The following USP8 variants were observed in gnomAD, a reference collection of about 807,000 sequenced individuals.
USP8 encodes ubiquitin carboxyl-terminal hydrolase 8.
Under a neutral mutation model 130.0 loss-of-function variants are expected in USP8, and 27 were observed. The ratio of observed to expected loss-of-function variants is 0.21; its 90% CI spans 0.15 to 0.29. USP8 has a LOEUF of 0.29. Among genes scored for constraint, USP8 ranks in the 10% least tolerant of loss-of-function variants. The pLI, the probability that USP8 is intolerant of heterozygous loss-of-function variation, is 1.00. For synonymous variants in USP8, 392 were observed against 444.1 expected (o/e 0.88, Z 1.48); for missense variants, 1,029 against 1,312.2 (o/e 0.78, Z 3.33).
In USP8 at chr15:50,473,820, A is replaced by ATT. The variant is rs200239115; in HGVS notation, c.849+2031_849+2032dup. ...GGCATCTAAGTATATATATATATAT[A>ATT]TTTTTTTAATTTAATTTAATTTTAT... is the stretch of plus-strand genomic sequence containing the variant. On this transcript the variant is annotated intron_variant, in intron 8 of 19. Coordinates refer to ENST00000307179, the MANE Select transcript of USP8 (RefSeq NM_005154.5). 6.7e-3 allele frequency among the ~76,000 whole-genome samples: 999 copies of ATT among 149,308 alleles called. 10 individuals are homozygous for ATT. Among genetic ancestry groups the ATT allele is most frequent in the Non-Finnish European group, 0.011 (741 of 67,484 alleles).
At chr15:50,481,448 C>G in intron 10 of USP8, 33 bp from the exon 11 acceptor site, 1 of 1,449,542 alleles carries the variant, frequency 6.9e-7, no homozygotes. Context: ...TGATTTTTGA[C>G]AAAAATGTTT....
At chr15:50,467,384 A>C (rs889442147) in intron 7 of USP8, among the ~76,000 whole-genome samples, 1 of 152,132 alleles carries the variant, frequency 6.6e-6, no homozygotes, top group Non-Finnish European at 1.5e-5. Context: ...TTCTCTTTTA[A>C]TTTATGTTAC....
rs1354795893 is a variant in USP8 at position 50,511,128 on chromosome 15, G to C, written c.*12040G>C. 2 of 152,170 alleles carry C rather than the reference G, an allele frequency of 1.3e-5. No homozygotes were observed. The highest frequency in any genetic ancestry group is 2.1e-4 in the South Asian group (1 of 4,832). The allele number at this position is 152,170 out of a possible 1,614,324, so 9.4% of individuals were successfully genotyped here. ...ATTCTTTCAGATTTTCTGAATGTTT[G>C]CAAAGTTTTATTTTAAAAACTGGAG... On this transcript the variant is annotated 3_prime_UTR_variant, in exon 20 of 20. Transcript: ENST00000307179.
At chr15:50,433,930 T>A (rs1215129589) in intron 1 of USP8, among the ~76,000 whole-genome samples, 1 of 152,204 alleles carries the variant, frequency 6.6e-6, no homozygotes, top group Non-Finnish European at 1.5e-5. Context: ...TAACTCATTT[T>A]CAACACTTTT....
At chr15:50,447,453 C>G (rs1002713160) in intron 3 of USP8, among the ~76,000 whole-genome samples, 1 of 152,062 alleles carries the variant, frequency 6.6e-6, no homozygotes, top group Non-Finnish European at 1.5e-5. Flanking sequence ...GTTGGCCAGG[C>G]TGGTCTTGAA....
intron 1 of USP8, among the ~76,000 whole-genome samples, chr15:50,433,520 A>G (rs1314006992): frequency 6.6e-6 from 1 of 152,172 alleles, no homozygotes; most frequent in Non-Finnish European, 1.5e-5. Flanking sequence ...TTTACCTTTT[A>G]GTCTTCACTT....
intron 8 of USP8, among the ~76,000 whole-genome samples, chr15:50,472,646 C>A (rs1456060407): frequency 6.6e-6 from 1 of 150,558 alleles, no homozygotes; most frequent in African/African-American, 2.4e-5. Flanking sequence ...CGTGGTGGCC[C>A]ATGCCTGTAA....
At chr15:50,441,969 CTTTTTTTTTTTTT>C (rs1011150634) in intron 3 of USP8, among the ~76,000 whole-genome samples, 1 of 81,438 alleles carries the variant, frequency 1.2e-5, no homozygotes, top group Admixed American at 1.7e-4. Context: ...CTCCCTAAAT[CTTTTTTTTTTTTT>C]TTTTTTTTTT....
chr15:50,467,012 G>T, intron 7 of USP8: 2 of 528,074 alleles, frequency 3.8e-6, no homozygotes, highest in Non-Finnish European at 3.4e-6. Flanking sequence ...TCATTGACTT[G>T]CACATCCTTT....
At chr15:50,478,014 T>G (rs1444169465) in intron 10 of USP8, among the ~76,000 whole-genome samples, 3 of 152,250 alleles carry the variant, frequency 2.0e-5, no homozygotes, top group Non-Finnish European at 4.4e-5. Context: ...AGTAGATAAT[T>G]AAGGGGTTTC....
At chr15:50,452,666 C>T (rs940142944) in intron 4 of USP8, among the ~76,000 whole-genome samples, 2 of 152,160 alleles carry the variant, frequency 1.3e-5, no homozygotes, top group Admixed American at 1.3e-4. Flanking sequence ...GTATGGATCC[C>T]AGTTTTTTTC....
At position 50,503,762 on chromosome 15, in the gene USP8, T is replaced by C. The variant is rs1438346594; in HGVS notation, c.*4674T>C. 6.6e-6 allele frequency: 1 copy of C among 152,172 alleles called. No homozygotes were observed. Among genetic ancestry groups the C allele is most frequent in the African/African-American group, 2.4e-5 (1 of 41,432 alleles). The allele number at this position is 152,172 out of a possible 1,614,324, so 9.4% of individuals were successfully genotyped here. ...GCCAGAAGGAAACAGAATTTCTAGATTGTTGCATGTTAACTCAGACCTAAC... is the reference window on the plus strand; with the variant it reads ...GCCAGAAGGAAACAGAATTTCTAGACTGTTGCATGTTAACTCAGACCTAAC... On this transcript the variant is annotated 3_prime_UTR_variant, in exon 20 of 20. Transcript: ENST00000307179.
chr15:50,490,949 A>G (rs979193120), intron 14 of USP8, among the ~76,000 whole-genome samples: 2 of 152,202 alleles, frequency 1.3e-5, no homozygotes, highest in Non-Finnish European at 2.9e-5. Flanking sequence ...GTTTTCCTAT[A>G]GTATTAAAAT....
chr15:50,433,852 G>T (rs540109502), intron 1 of USP8, among the ~76,000 whole-genome samples: 22 of 152,234 alleles, frequency 1.4e-4, no homozygotes, highest in Middle Eastern at 3.4e-3. Context: ...TGATCCGCCC[G>T]CCTTGGCCTC....
At chr15:50,442,363 CA>C (rs528366980) in intron 3 of USP8, among the ~76,000 whole-genome samples, 14 of 152,098 alleles carry the variant, frequency 9.2e-5, no homozygotes, top group South Asian at 6.2e-4. Flanking sequence ...ATAGGGAGGG[CA>C]GGGGCAATAT....
At chr15:50,469,698 G>A (rs908427227) in intron 7 of USP8, among the ~76,000 whole-genome samples, 2 of 152,050 alleles carry the variant, frequency 1.3e-5, no homozygotes, top group East Asian at 1.9e-4. Context: ...GTACCAGTCC[G>A]GCCCAGCTTG....
chr15:50,424,553 G>A, intron 1 of USP8, 39 bp downstream of exon 1: 1 of 398,592 alleles, frequency 2.5e-6, no homozygotes, highest in East Asian at 3.6e-5. Context: ...TGTTCTCTGG[G>A]AAGTCGTCCG....
At chr15:50,481,403 A>G in intron 10 of USP8, 78 bp from the exon 11 acceptor site, 1 of 1,083,288 alleles carries the variant, frequency 9.2e-7, no homozygotes, top group Non-Finnish European at 1.3e-6. Flanking sequence ...CACTTCTTTT[A>G]TCACAACTTG....
rs2052525424 is a variant in USP8, at chr15:50,499,167, A to C, written c.*79A>C. ...TTGAAATGCTTATCAGGATAATGGT[A>C]GCTATAGCTGGCCATTTAGAGGAAT... On this transcript the variant is annotated 3_prime_UTR_variant, in exon 20 of 20. Transcript: ENST00000307179. 25 of 1,402,428 alleles carry C rather than the reference A, an allele frequency of 1.8e-5. No individual in the cohort carries two copies. Among genetic ancestry groups the C allele is most frequent in the Admixed American group, 2.4e-5 (1 of 41,658 alleles). 86.9% of individuals were successfully genotyped at this position (1,402,428 alleles called of 1,614,324 possible). A position where few individuals can be genotyped will look rare whatever the true frequency, so the allele number is the denominator to read the frequency against.
Sources: allele counts gnomAD v4.1 joint callset (sites outside exome capture counted in the v4.1 genomes callset), GRCh38; gene constraint gnomAD v4.1.1; transcripts MANE v1.5; gene names NCBI Gene and HGNC (gene_info 2026-07-23, HGNC 2026-07-21).